Variants in FMN2 observed in about 807,000 individuals in gnomAD.
FMN2 encodes the protein formin 2.
FMN2 carries 51 observed loss-of-function variants against 142.3 expected under a neutral mutation model. That is an observed-to-expected ratio of 0.36 (90% confidence interval 0.29 to 0.45). FMN2 has a LOEUF of 0.45. FMN2 is among the 20% of genes least tolerant of loss of function. The pLI is 1.00. For missense variants in FMN2, 1,936 were observed against 2,122.8 expected, an observed-to-expected ratio of 0.91 and a Z score of 1.73; for synonymous variants, 882 against 869.8, an observed-to-expected ratio of 1.01 and a Z score of -0.25.
At chr1:240,393,229 G>A (rs1021710826) in intron 15 of FMN2, among the ~76,000 whole-genome samples, 12 of 151,208 alleles carry the variant, frequency 7.9e-5, no homozygotes, top group African/African-American at 2.4e-4. Flanking sequence ...CAAGTCTATC[G>A]GTGCCATGTT....
Position 240,139,781 on chromosome 1 carries a change from C to T in FMN2, c.1782+16436C>T, listed in dbSNP as rs188942476. ...TGGGAAGATGGGAGGTGAAGTCAGT[C>T]CACGTGTGTGATTAGCTCTGTGCAC... On this transcript the variant is annotated intron_variant, in intron 2 of 17. Transcript: ENST00000319653. Among the ~76,000 whole-genome samples, 206 of 152,122 alleles carry T rather than the reference C, an allele frequency of 1.4e-3. 1 individual carries two copies. The highest frequency in any genetic ancestry group is 2.7e-3 in the Admixed American group (42 of 15,276).
intron 15 of FMN2, among the ~76,000 whole-genome samples, chr1:240,402,334 C>T (rs546455434): frequency 6.6e-6 from 1 of 152,182 alleles, no homozygotes; most frequent in African/African-American, 2.4e-5. Flanking sequence ...TTTATTCATG[C>T]ATTTTTGCTA....
chr1:240,137,957 G>A (rs551695103), intron 2 of FMN2, among the ~76,000 whole-genome samples: 17 of 150,996 alleles, frequency 1.1e-4, no homozygotes, highest in East Asian at 3.9e-4. Flanking sequence ...GGGTGCAGTC[G>A]TGTGCGCTGA....
At chr1:240,242,194 C>T (rs1667937048) in intron 6 of FMN2, among the ~76,000 whole-genome samples, 1 of 152,144 alleles carries the variant, frequency 6.6e-6, no homozygotes, top group South Asian at 2.1e-4. Context: ...TAGAGTTTAC[C>T]AAATCGCTTT....
At chr1:240,291,772 T>C (rs972613473) in intron 7 of FMN2, among the ~76,000 whole-genome samples, 2 of 152,004 alleles carry the variant, frequency 1.3e-5, no homozygotes, top group Admixed American at 6.6e-5. Context: ...ACGGGGAAGC[T>C]AAAACACAAA....
intron 2 of FMN2, among the ~76,000 whole-genome samples, chr1:240,142,475 A>ATTTATTTATT (rs1663224815): frequency 8.2e-5 from 12 of 146,162 alleles, no homozygotes; most frequent in Middle Eastern, 3.2e-3. Flanking sequence ...AAACCTTTTC[A>ATTTATTTATT]TATTTATTTA....
chr1:240,417,395 G>A (rs115786080), intron 15 of FMN2, among the ~76,000 whole-genome samples: 3,896 of 151,836 alleles, frequency 0.026, 175 homozygotes, highest in African/African-American at 0.088. Flanking sequence ...TCAATGTGAA[G>A]CTACTTTAAT....
chr1:240,434,060 T>C (rs966121533), intron 15 of FMN2, among the ~76,000 whole-genome samples: 7 of 152,212 alleles, frequency 4.6e-5, no homozygotes, highest in African/African-American at 1.2e-4. Context: ...AGACGTGTGG[T>C]GTTGATCTTT....
chr1:240,388,737 C>A (rs1195136124), intron 14 of FMN2, among the ~76,000 whole-genome samples: 2 of 151,884 alleles, frequency 1.3e-5, no homozygotes, highest in Admixed American at 1.3e-4. Flanking sequence ...TGGCATGCGC[C>A]TGTAATCCCA....
chr1:240,325,343 CAAA>C (rs5782134), intron 8 of FMN2, among the ~76,000 whole-genome samples: 4 of 108,054 alleles, frequency 3.7e-5, no homozygotes, highest in Admixed American at 9.4e-5. Context: ...ACCCTGTCTC[CAAA>C]AAAAAAAAAA....
intron 1 of FMN2, among the ~76,000 whole-genome samples, chr1:240,102,438 G>C (rs1661447730): frequency 6.6e-6 from 1 of 152,068 alleles, no homozygotes; most frequent in African/African-American, 2.4e-5. Flanking sequence ...GATAATCTTT[G>C]AAACTCATTT....
At chr1:240,101,631 C>T (rs1441510369) in intron 1 of FMN2, among the ~76,000 whole-genome samples, 3 of 151,960 alleles carry the variant, frequency 2.0e-5, no homozygotes, top group Non-Finnish European at 4.4e-5. Flanking sequence ...AACTCCTGGT[C>T]CCAAGCAATC....
chr1:240,372,697 A>G (rs1672913156), intron 14 of FMN2, among the ~76,000 whole-genome samples: 1 of 146,860 alleles, frequency 6.8e-6, no homozygotes, highest in Admixed American at 6.9e-5. Flanking sequence ...TCCCTGGGAG[A>G]TATTACAGAC....
At chr1:240,214,929 A>C (rs575167932) in intron 6 of FMN2, among the ~76,000 whole-genome samples, 57 of 152,114 alleles carry the variant, frequency 3.7e-4, no homozygotes, top group Non-Finnish European at 7.1e-4. Context: ...AGCTGGGTGC[A>C]GTGGTGCATG....
intron 2 of FMN2, chr1:240,144,134 CCCAACA>C: frequency 7.9e-7 from 1 of 1,270,346 alleles, no homozygotes; most frequent in Non-Finnish European, 1.2e-6. Context: ...GCAGCAGCAT[CCCAACA>C]GATGCAGCTG....
chr1:240,186,926 A>G (rs1665481546), intron 3 of FMN2, among the ~76,000 whole-genome samples: 1 of 152,124 alleles, frequency 6.6e-6, no homozygotes, highest in African/African-American at 2.4e-5. Flanking sequence ...ATTGTCACAT[A>G]TATCAGCTAC....
chr1:240,361,138 T>A (rs1311548584), intron 14 of FMN2, among the ~76,000 whole-genome samples: 505 of 17,682 alleles, frequency 0.029, 6 homozygotes, highest in African/African-American at 0.25. Context: ...AATAAATATA[T>A]GTGTATATAT....
intron 7 of FMN2, among the ~76,000 whole-genome samples, chr1:240,261,344 A>G (rs1668622011): frequency 7.5e-6 from 1 of 132,688 alleles, no homozygotes; most frequent in African/African-American, 2.8e-5. Context: ...CCCTTCATTA[A>G]CCAGTACTTT....
intron 6 of FMN2, among the ~76,000 whole-genome samples, chr1:240,249,372 T>A (rs929550121): frequency 5.9e-5 from 9 of 152,134 alleles, no homozygotes; most frequent in Non-Finnish European, 1.2e-4. Flanking sequence ...CCCTCATGTA[T>A]GTTCTTGGTG....
Sources: allele counts gnomAD v4.1 joint callset (sites outside exome capture counted in the v4.1 genomes callset), GRCh38; gene constraint gnomAD v4.1.1; transcripts MANE v1.5; gene names NCBI Gene and HGNC (gene_info 2026-07-23, HGNC 2026-07-21).